The following HDAC9 variants were observed in gnomAD, a reference collection of about 807,000 sequenced individuals.
The protein encoded by HDAC9 is MEF-2 interacting transcription repressor (MITR) protein.
Under a neutral mutation model 139.4 loss-of-function variants are expected in HDAC9, and 41 were observed. The observed-to-expected ratio is 0.29, with a 90% CI of 0.23 to 0.38. The LOEUF (loss-of-function observed/expected upper bound fraction) is 0.38. Among genes scored for constraint, HDAC9 ranks in the 10% least tolerant of loss-of-function variants. The probability of loss-of-function intolerance (pLI) is 1.00; values close to 1 mark genes in which losing one functional copy is unlikely to be tolerated. For missense variants in HDAC9, 1,147 were observed against 1,297.0 expected (o/e 0.88, Z 1.78); for synonymous variants, 517 against 476.2 (o/e 1.09, Z -1.12).
chr7:18,542,552 CT>C (rs1452326643), intron 2 of HDAC9, among the ~76,000 whole-genome samples: 3 of 152,082 alleles, frequency 2.0e-5, no homozygotes, highest in African/African-American at 7.2e-5. Context: ...TGTGCAGATA[CT>C]TTTTTAAAAA....
intron 12 of HDAC9, chr7:18,666,682 T>TA: frequency 7.7e-7 from 1 of 1,295,626 alleles, no homozygotes; most frequent in East Asian, 2.8e-5. Context: ...TCTATATAGA[T>TA]ATCAATGTTT....
At chr7:18,392,704 T>G (rs1786646151) in intron 1 of HDAC9, among the ~76,000 whole-genome samples, 2 of 151,806 alleles carry the variant, frequency 1.3e-5, no homozygotes, top group South Asian at 4.1e-4. Flanking sequence ...ATCAACAAAG[T>G]ATTTGAGTTA....
intron 22 of HDAC9, among the ~76,000 whole-genome samples, chr7:18,887,994 C>A (rs1387938929): frequency 6.6e-6 from 1 of 152,168 alleles, no homozygotes; most frequent in Non-Finnish European, 1.5e-5. Flanking sequence ...ATTTCTCCCA[C>A]GTAGTTTCAG....
At chr7:18,450,108 A>G (rs935981920) in intron 1 of HDAC9, among the ~76,000 whole-genome samples, 1 of 152,184 alleles carries the variant, frequency 6.6e-6, no homozygotes, top group African/African-American at 2.4e-5. Context: ...GTGGACTCAG[A>G]CTAAGATATC....
At chr7:18,263,946 A>G (rs192047552) in intron 2 of HDAC9, among the ~76,000 whole-genome samples, 12 of 152,304 alleles carry the variant, frequency 7.9e-5, no homozygotes, top group Admixed American at 1.3e-4. Context: ...TTAAAGGACA[A>G]TAATTTTACT....
chr7:18,602,367 CTG>C (rs1834193010), intron 6 of HDAC9, among the ~76,000 whole-genome samples: 1 of 151,784 alleles, frequency 6.6e-6, no homozygotes, highest in Admixed American at 6.6e-5. Context: ...GACAGCCTGA[CTG>C]TAGTTTCATC....
At chr7:18,789,841 T>C (rs942155554) in intron 16 of HDAC9, among the ~76,000 whole-genome samples, 1 of 152,298 alleles carries the variant, frequency 6.6e-6, no homozygotes, top group Admixed American at 6.5e-5. Flanking sequence ...CTCTTACCTA[T>C]AGTTTTTTCC....
At chr7:18,513,148 G>A (rs533221870) in intron 2 of HDAC9, among the ~76,000 whole-genome samples, 1 of 152,280 alleles carries the variant, frequency 6.6e-6, no homozygotes, top group East Asian at 1.9e-4. Flanking sequence ...AGTTATGCAG[G>A]TTACAATTTA....
At chr7:18,734,783 C>G (rs899966594) in intron 13 of HDAC9, among the ~76,000 whole-genome samples, 1 of 152,206 alleles carries the variant, frequency 6.6e-6, no homozygotes, top group African/African-American at 2.4e-5. Context: ...AATGGTATTT[C>G]TAGCTCTAGA....
chr7:18,420,900 G>A (rs1178114436), intron 1 of HDAC9, among the ~76,000 whole-genome samples: 1 of 152,202 alleles, frequency 6.6e-6, no homozygotes, highest in South Asian at 2.1e-4. Flanking sequence ...GCTGATACTT[G>A]AATGAGAAAC....
chr7:18,981,680 AAAGGGTTTCTGCTATT>A (rs1170474713), intron 25 of HDAC9, among the ~76,000 whole-genome samples: 2 of 152,154 alleles, frequency 1.3e-5, no homozygotes, highest in Non-Finnish European at 2.9e-5. Context: ...TTCAGCTGAG[AAAGGGTTTCTGCTATT>A]AAGGGCTCAT....
chr7:18,589,075 A>G (rs1830232538), intron 3 of HDAC9, among the ~76,000 whole-genome samples: 1 of 152,194 alleles, frequency 6.6e-6, no homozygotes, highest in African/African-American at 2.4e-5. Flanking sequence ...GGCTCCGAGT[A>G]GTTTAGTAAC....
In HDAC9 at chr7:18,138,527, G is replaced by GGTGTGTGTGT. The variant is rs71014309; in HGVS notation, c.-96-23674_-96-23665dup. ...GAAGCTGTAGTGAGAGAGAGAGAGA[G>GGTGTGTGTGT]GTGTGTGTGTGTGTGTGTGTGTGTG... On this transcript the variant is annotated intron_variant, in intron 1 of 12. Coordinates refer to the HDAC9 transcript ENST00000417496. Among the ~76,000 whole-genome samples the GGTGTGTGTGT allele has an allele frequency of 5.7e-3, 813 of 142,654 alleles. 3 individuals are homozygous for GGTGTGTGTGT. Among genetic ancestry groups the GGTGTGTGTGT allele is most frequent in the Admixed American group, 8.7e-3 (123 of 14,104 alleles). 93.6% of individuals were successfully genotyped at this position (142,654 alleles called of 152,430 possible). A position where few individuals can be genotyped will look rare whatever the true frequency, so the allele number is the denominator to read the frequency against.
chr7:18,163,181 G>T (rs1193292020), intron 2 of HDAC9, among the ~76,000 whole-genome samples: 3 of 152,148 alleles, frequency 2.0e-5, no homozygotes, highest in Non-Finnish European at 2.9e-5. Context: ...TCCCTGGATT[G>T]CCACACCCAA....
At chr7:18,440,344 C>A (rs1405036104) in intron 1 of HDAC9, among the ~76,000 whole-genome samples, 1 of 152,078 alleles carries the variant, frequency 6.6e-6, no homozygotes, top group Non-Finnish European at 1.5e-5. Flanking sequence ...GCCACCATGC[C>A]TGGCTAATTT....
At chr7:18,182,461 A>G (rs1485197345) in intron 2 of HDAC9, among the ~76,000 whole-genome samples, 2 of 152,208 alleles carry the variant, frequency 1.3e-5, no homozygotes, top group Non-Finnish European at 2.9e-5. Flanking sequence ...ACATAGTGGG[A>G]GGTAACAAAG....
At chr7:18,194,568 A>G (rs1468601176) in intron 2 of HDAC9, among the ~76,000 whole-genome samples, 2 of 152,258 alleles carry the variant, frequency 1.3e-5, no homozygotes, top group African/African-American at 2.4e-5. Flanking sequence ...TCGATTCTTA[A>G]CAAGAGAGAT....
intron 25 of HDAC9, among the ~76,000 whole-genome samples, chr7:18,992,196 T>G (rs1166941481): frequency 6.6e-6 from 1 of 152,200 alleles, no homozygotes; most frequent in South Asian, 2.1e-4. Flanking sequence ...GTACGTATAC[T>G]AGGAAGTTCA....
At chr7:18,963,366 G>C (rs1783647746) in intron 24 of HDAC9, among the ~76,000 whole-genome samples, 1 of 152,114 alleles carries the variant, frequency 6.6e-6, no homozygotes, top group Admixed American at 6.5e-5. Context: ...TTCCTTCCTG[G>C]AGGAATGTAT....
Sources: gnomAD v4.1 joint callset for allele counts (sites outside exome capture counted in the v4.1 genomes callset) on GRCh38, gnomAD v4.1.1 for gene constraint, MANE v1.5 for transcripts, NCBI Gene and HGNC (gene_info 2026-07-23, HGNC 2026-07-21) for gene names.